The following SLC39A11 variants were observed in gnomAD, a reference collection of about 807,000 sequenced individuals.
The protein encoded by SLC39A11 is zinc transporter ZIP11.
In SLC39A11, 33 loss-of-function variants were observed where a neutral mutation model predicts 36.1. The observed-to-expected ratio is 0.91, with a 90% confidence interval of 0.69 to 1.22. The LOEUF (loss-of-function observed/expected upper bound fraction) is 1.22. Among genes scored for constraint, SLC39A11 ranks in the 50% most tolerant of loss-of-function variants. The probability of loss-of-function intolerance (pLI) is 0.00; values close to 1 mark genes in which losing one functional copy is unlikely to be tolerated. For synonymous variants in SLC39A11, 166 were observed against 170.3 expected (o/e 0.97, Z 0.20); for missense variants, 432 against 430.3 (o/e 1.00, Z -0.03).
intron 7 of SLC39A11, among the ~76,000 whole-genome samples, chr17:72,659,333 G>A (rs1392244908): frequency 2.0e-5 from 3 of 152,168 alleles, no homozygotes; most frequent in Non-Finnish European, 4.4e-5. Context: ...GGAAACCTTT[G>A]TGGAGAAAGC....
chr17:72,666,693 A>G (rs771918854), intron 7 of SLC39A11, among the ~76,000 whole-genome samples: 10 of 152,186 alleles, frequency 6.6e-5, no homozygotes, highest in African/African-American at 1.7e-4. Flanking sequence ...AGGGAGAGTG[A>G]TTGAACTGCA....
rs145036963 is a variant in SLC39A11, at chr17:72,945,967, G to A, written c.430+1785C>T. Among the ~76,000 whole-genome samples the A allele has an allele frequency of 3.5e-4, 53 of 152,228 alleles. No individual in the cohort carries two copies. The East Asian group carries it at 8.7e-3, about 25-fold the overall frequency. Reference sequence around the variant, plus strand: ...AAGATAGAAAAATCAGATAAAGTCTGGCCAACTTTTATACCCTAGAGAAGA... The same window carrying A: ...AAGATAGAAAAATCAGATAAAGTCTAGCCAACTTTTATACCCTAGAGAAGA... On this transcript the variant is annotated intron_variant, in intron 5 of 9. Transcript: ENST00000255559.
intron 4 of SLC39A11, among the ~76,000 whole-genome samples, chr17:73,006,327 G>A (rs891909154): frequency 2.0e-5 from 3 of 152,148 alleles, no homozygotes; most frequent in Non-Finnish European, 4.4e-5. Flanking sequence ...TAAAAGAACT[G>A]GCCTTAATGG....
chr17:72,919,079 T>C (rs1399249113), intron 5 of SLC39A11, among the ~76,000 whole-genome samples: 1 of 151,872 alleles, frequency 6.6e-6, no homozygotes, highest in African/African-American at 2.4e-5. Context: ...TAAAATAAAA[T>C]AAAAATAAAT....
intron 6 of SLC39A11, among the ~76,000 whole-genome samples, chr17:72,789,448 C>T (rs2076630224): frequency 6.6e-6 from 1 of 152,192 alleles, no homozygotes; most frequent in Non-Finnish European, 1.5e-5. Context: ...GGGCAAAGGG[C>T]ACACGAAATG....
chr17:72,984,926 G>C (rs1217523831), intron 4 of SLC39A11, among the ~76,000 whole-genome samples: 1 of 152,200 alleles, frequency 6.6e-6, no homozygotes, highest in African/African-American at 2.4e-5. Context: ...AATAACTCTA[G>C]AGAATTGCAC....
chr17:72,929,240 T>TG (rs564840003), intron 5 of SLC39A11, among the ~76,000 whole-genome samples: 264 of 152,278 alleles, frequency 1.7e-3, no homozygotes, highest in African/African-American at 5.9e-3. Flanking sequence ...CAGAAGTGTC[T>TG]GGGGCATTTC....
At position 72,798,233 on chromosome 17, in the gene SLC39A11, G is replaced by A. The variant is rs1003960239; in HGVS notation, c.601+51401C>T. Reference sequence around the variant, plus strand: ...GCTGTTATAACAAAGTACCACAGACGGAGGGGCTTAAATGACAGAAATGTG... The same window carrying A: ...GCTGTTATAACAAAGTACCACAGACAGAGGGGCTTAAATGACAGAAATGTG... On this transcript the variant is annotated intron_variant, in intron 6 of 9. Transcript: ENST00000255559. 8.6e-5 allele frequency among the ~76,000 whole-genome samples: 13 copies of A among 151,930 alleles called. 1 individual carries two copies. The highest frequency in any genetic ancestry group is 3.1e-4 in the African/African-American group (13 of 41,276).
At chr17:73,033,104 G>A (rs1427938916) in intron 3 of SLC39A11, among the ~76,000 whole-genome samples, 6 of 152,284 alleles carry the variant, frequency 3.9e-5, no homozygotes, top group East Asian at 1.9e-4. Context: ...ACCTAGATCC[G>A]TGGCATGTAC....
intron 4 of SLC39A11, among the ~76,000 whole-genome samples, chr17:73,014,706 TTCACCA>T (rs1233747984): frequency 1.3e-5 from 2 of 152,322 alleles, no homozygotes; most frequent in East Asian, 3.9e-4. Context: ...CCCACGTTGC[TTCACCA>T]AGTCCCAGAG....
intron 4 of SLC39A11, among the ~76,000 whole-genome samples, chr17:72,955,732 C>A (rs934513472): frequency 6.6e-6 from 1 of 151,892 alleles, no homozygotes; most frequent in South Asian, 2.1e-4. Flanking sequence ...TTTATCTGAA[C>A]GAACTAAATG....
At chr17:72,842,110 G>T (rs984846666) in intron 6 of SLC39A11, among the ~76,000 whole-genome samples, 1 of 140,242 alleles carries the variant, frequency 7.1e-6, no homozygotes, top group Admixed American at 7.4e-5. Flanking sequence ...GTGCACGCAC[G>T]CGCATATGTA....
intron 3 of SLC39A11, among the ~76,000 whole-genome samples, chr17:73,079,778 A>C (rs533729111): frequency 6.6e-6 from 1 of 152,222 alleles, no homozygotes; most frequent in Non-Finnish European, 1.5e-5. Context: ...CCTAGAACTG[A>C]TACATAAATT....
chr17:73,089,683 A>G (rs1303883949), intron 1 of SLC39A11: 1 of 152,190 alleles, frequency 6.6e-6, no homozygotes, highest in Non-Finnish European at 1.5e-5. Flanking sequence ...CCCCTGAAAA[A>G]TATGTGCTGG....
At chr17:73,033,992 C>T (rs1202141039) in intron 3 of SLC39A11, among the ~76,000 whole-genome samples, 1 of 152,194 alleles carries the variant, frequency 6.6e-6, no homozygotes, top group Admixed American at 6.5e-5. Flanking sequence ...GAAAATGCCT[C>T]TGCTCAACAG....
intron 7 of SLC39A11, among the ~76,000 whole-genome samples, chr17:72,677,730 G>A (rs944504394): frequency 6.6e-6 from 1 of 152,184 alleles, no homozygotes; most frequent in Non-Finnish European, 1.5e-5. Context: ...TTGGGAAAAT[G>A]AAGCTAGAAA....
intron 4 of SLC39A11, among the ~76,000 whole-genome samples, chr17:73,021,786 C>T (rs1276779742): frequency 6.6e-6 from 1 of 152,190 alleles, no homozygotes; most frequent in Admixed American, 6.5e-5. Flanking sequence ...TATGGCCTAA[C>T]AAATGAAAAG....
At chr17:72,657,836 G>A (rs559522262) in intron 7 of SLC39A11, among the ~76,000 whole-genome samples, 11 of 152,180 alleles carry the variant, frequency 7.2e-5, no homozygotes, top group African/African-American at 2.4e-4. Flanking sequence ...CCTAAAACTC[G>A]CAATGGTCTG....
At chr17:72,928,938 G>A (rs1225908104) in intron 5 of SLC39A11, among the ~76,000 whole-genome samples, 2 of 152,230 alleles carry the variant, frequency 1.3e-5, no homozygotes, top group Admixed American at 1.3e-4. Context: ...GCAGTAGGAA[G>A]TCGAATGTTA....
Sources: gnomAD v4.1 joint callset for allele counts (sites outside exome capture counted in the v4.1 genomes callset) on GRCh38, gnomAD v4.1.1 for gene constraint, MANE v1.5 for transcripts, NCBI Gene and HGNC (gene_info 2026-07-23, HGNC 2026-07-21) for gene names.